Variants in STK32C observed in about 807,000 individuals in gnomAD.
STK32C encodes the protein serine/threonine kinase 32C.
In STK32C, 31 loss-of-function variants were observed where a neutral mutation model predicts 56.5. That is an observed-to-expected ratio of 0.55 (90% CI 0.41 to 0.74). The LOEUF (loss-of-function observed/expected upper bound fraction) is 0.74, where lower values mean the gene tolerates loss of function less well. Ranked by LOEUF, STK32C falls within the 30% of genes least tolerant of loss-of-function variation. The pLI, the probability that STK32C is intolerant of heterozygous loss-of-function variation, is 0.00. For missense variants in STK32C, 544 were observed against 676.9 expected (o/e 0.80, Z 2.18); for synonymous variants, 309 against 289.4 (o/e 1.07, Z -0.69).
chr10:132,286,742 AAGG>A (rs1376521303), intron 1 of STK32C, among the ~76,000 whole-genome samples: 1 of 152,216 alleles, frequency 6.6e-6, no homozygotes, highest in Non-Finnish European at 1.5e-5. Flanking sequence ...CTAAGAGGAG[AAGG>A]AGATTTCCTC....
rs150199741 is a variant in STK32C at position 132,225,743 on chromosome 10, A to G, written c.682+4T>C. 21 of 1,614,088 alleles carry G rather than the reference A, an allele frequency of 1.3e-5. No individual in the cohort carries two copies. The highest frequency in any genetic ancestry group is 1.8e-5 in the Non-Finnish European group (21 of 1,180,014). ...CTGGGCTGCCCACACCCAACCCCAC[A>G]CACCTCTCTCATCCAGGAGAATGTT... On this transcript the variant is annotated splice_donor_region_variant and intron_variant, in intron 5 of 11. Transcript: ENST00000298630.
At chr10:132,267,982 CG>C (rs2064634817) in intron 1 of STK32C, among the ~76,000 whole-genome samples, 1 of 80,498 alleles carries the variant, frequency 1.2e-5, no homozygotes, top group East Asian at 3.5e-4. Flanking sequence ...TGTCCCACAT[CG>C]TGTGTGTGTG....
intron 9 of STK32C, 35 bp downstream of exon 9, chr10:132,222,826 C>G: frequency 6.3e-7 from 1 of 1,591,534 alleles, no homozygotes; most frequent in Non-Finnish European, 8.5e-7. Context: ...ACATCCATCC[C>G]CAGGGCCCCC....
At chr10:132,324,183 C>G (rs1198418301) in exon 2 of STK32C, 1 of 775,034 alleles carries the variant, frequency 1.3e-6, no homozygotes, top group African/African-American at 1.7e-5. Context: ...TCCCTGGGTA[C>G]TGAGACAAGT....
rs1316289747 is a variant in STK32C, at chr10:132,209,081, G to C, written c.1272C>G (p.Asp424Glu). The C allele has an allele frequency of 2.5e-6, 4 of 1,613,750 alleles. No individual in the cohort carries two copies. The highest frequency in any genetic ancestry group is 4.5e-5 in the East Asian group (2 of 44,888). The change falls in exon 11 of 12, where the codon GAC (aspartate) becomes GAG (glutamate). Residue 424 changes from aspartate to glutamate, a missense_variant. Asp to Glu is a conservative substitution (Grantham distance 45). Around this residue, in one of 3 missense-constraint regions of STK32C, gnomAD observed 277 missense variants for 309.3 expected, o/e 0.90. Transcript: ENST00000298630. ...AGTCTTGCTGGATGGCATCGAGGCA[G>C]TCTTGAAGATAGTCATTCTCCTGTG... Reference protein sequence around the residue: ...SSQSENDYLQDCLDAIQQDFV... With the variant: ...SSQSENDYLQECLDAIQQDFV...
Position 132,255,545 on chromosome 10 carries a change from G to T in STK32C, c.263-9590C>A, listed in dbSNP as rs1416120999. On this transcript the variant is annotated intron_variant, in intron 1 of 11. Transcript: ENST00000298630. The surrounding 1 kb of genome is among the most constrained non-coding windows in gnomAD (Gnocchi z 4.6). ...ATGAGAGCCGCTGGGCAGGGGTGAG[G>T]AGGCTCCCGAGTTACAGCGGAGAAC... 6.6e-6 allele frequency among the ~76,000 whole-genome samples: 1 copy of T among 152,206 alleles called. No individual in the cohort carries two copies. Among genetic ancestry groups the T allele is most frequent in the Admixed American group, 6.5e-5 (1 of 15,284 alleles).
intron 1 of STK32C, among the ~76,000 whole-genome samples, chr10:132,278,486 G>A (rs913990690): frequency 3.9e-5 from 6 of 152,134 alleles, no homozygotes; most frequent in Non-Finnish European, 7.3e-5. Flanking sequence ...TACCGGCCGG[G>A]CGCGGTGGCT....
At chr10:132,226,648 A>T in intron 4 of STK32C, 147 bp downstream of exon 4, 1 of 943,768 alleles carries the variant, frequency 1.1e-6, no homozygotes, top group Non-Finnish European at 1.6e-6. Flanking sequence ...CAGGTGCCAC[A>T]GCTGGGGGCA....
chr10:132,319,950 C>T (rs1042038595), downstream of STK32C, among the ~76,000 whole-genome samples: 15 of 149,348 alleles, frequency 1.0e-4, no homozygotes, highest in Admixed American at 7.3e-4. Context: ...TATAATGGCA[C>T]GATCTCGGCT....
chr10:132,255,740 G>C lies in STK32C; in HGVS notation c.263-9785C>G, dbSNP rs563174667. Among the ~76,000 whole-genome samples the C allele has an allele frequency of 1.3e-5, 2 of 152,186 alleles. No homozygotes were observed. The highest frequency in any genetic ancestry group is 1.3e-4 in the Admixed American group (2 of 15,278). On this transcript the variant is annotated intron_variant, in intron 1 of 11. Coordinates refer to ENST00000298630, the MANE Select transcript of STK32C (RefSeq NM_173575.4). The surrounding 1 kb of genome is among the most constrained non-coding windows in gnomAD (Gnocchi z 4.6). ...AGATCAGGAGAGGGGATGAGGGTGTGGGTGCCGGCCTCTGACCCTGGACTC... is the reference window on the plus strand; with the variant it reads ...AGATCAGGAGAGGGGATGAGGGTGTCGGTGCCGGCCTCTGACCCTGGACTC...
chr10:132,331,905 G>T, upstream of STK32C: 1 of 874,514 alleles, frequency 1.1e-6, no homozygotes, highest in East Asian at 2.9e-5. Flanking sequence ...CCCCCGCGCA[G>T]GCGCACCACA....
chr10:132,257,176 A>G (rs1459838874), intron 1 of STK32C, among the ~76,000 whole-genome samples: 1 of 152,142 alleles, frequency 6.6e-6, no homozygotes, highest in African/African-American at 2.4e-5. Flanking sequence ...TGGATACAGG[A>G]CATGCCCTGA....
At chr10:132,266,369 C>A (rs2064527370) in intron 1 of STK32C, among the ~76,000 whole-genome samples, 1 of 152,136 alleles carries the variant, frequency 6.6e-6, no homozygotes, top group Non-Finnish European at 1.5e-5. Context: ...AGAAGGAGGA[C>A]AACGTTCTCT....
chr10:132,270,918 C>A (rs952411065), intron 1 of STK32C, among the ~76,000 whole-genome samples: 1 of 150,730 alleles, frequency 6.6e-6, no homozygotes, highest in African/African-American at 2.5e-5. Flanking sequence ...ATGCAGCCCC[C>A]CTCCAGAGCA....
At chr10:132,331,858 T>G, upstream of STK32C, 1 of 1,404,970 alleles carries the variant, frequency 7.1e-7, no homozygotes. Flanking sequence ...ATGCTACCGT[T>G]GGCCGCGTGC....
Position 132,307,664 on chromosome 10 carries a change from G to T in STK32C, c.170C>A (p.Pro57His), listed in dbSNP as rs2066120166. Residue 57 changes from proline (P) to histidine (H), a missense_variant, in exon 1 of 12, where the codon CCC (proline) becomes CAC (histidine). This residue lies in a region of STK32C where 182 missense variants were observed against 217.7 expected (regional missense o/e 0.84). Coordinates refer to ENST00000298630, the MANE Select transcript of STK32C (RefSeq NM_173575.4). This position sits in a 1 kb window ranked among gnomAD's most constrained non-coding sequence, Gnocchi z 4.4. ...CTTCCACTTGCTCCACTGAAACAGG[G>T]GGCGCGGCTGCGAGCGGACATCGCC... ...DSGDVRSQPR[P>H]LFQWSKWKKR... is the part of the protein sequence containing the mutation. The T allele has an allele frequency of 6.5e-7, 1 of 1,537,400 alleles. No individual in the cohort carries two copies. The highest frequency in any genetic ancestry group is 1.4e-5 in the African/African-American group (1 of 69,902).
intron 1 of STK32C, among the ~76,000 whole-genome samples, chr10:132,283,434 G>A (rs550225550): frequency 1.4e-4 from 22 of 152,214 alleles, no homozygotes; most frequent in Admixed American, 4.6e-4. Context: ...TGCGACCAGC[G>A]GAGGCAGAGT....
upstream of STK32C, among the ~76,000 whole-genome samples, chr10:132,310,039 C>T (rs865798382): frequency 2.0e-5 from 3 of 152,202 alleles, no homozygotes; most frequent in African/African-American, 7.2e-5. The surrounding 1 kb of genome is among the most constrained non-coding windows in gnomAD (Gnocchi z 4.6). Context: ...CCCAGGACGC[C>T]TCCCCGGCCC....
intron 2 of STK32C, among the ~76,000 whole-genome samples, chr10:132,228,630 C>T (rs1182454469): frequency 9.2e-5 from 14 of 152,340 alleles, no homozygotes; most frequent in Admixed American, 8.5e-4. Context: ...TGGAGTTTTG[C>T]CTTCCTAAAC....
Sources: gnomAD v4.1 joint callset for allele counts (sites outside exome capture counted in the v4.1 genomes callset) on GRCh38, gnomAD v4.1.1 for gene constraint, gnomAD v4.1.1 regional missense constraint, Gnocchi (gnomAD v3.1) non-coding constraint, MANE v1.5 for transcripts, NCBI Gene and HGNC (gene_info 2026-07-23, HGNC 2026-07-21) for gene names.